The following KPNA7 variants were observed in gnomAD, a reference collection of about 807,000 sequenced individuals.
The protein encoded by KPNA7 is karyopherin subunit alpha 7, also known as importin subunit alpha-8.
A neutral mutation model predicts 53.7 loss-of-function variants in KPNA7; 54 were observed. The ratio of observed to expected loss-of-function variants is 1.01; its 90% confidence interval spans 0.81 to 1.26. The LOEUF is 1.26. Among genes scored for constraint, KPNA7 ranks in the 50% most tolerant of loss-of-function variants. The probability of loss-of-function intolerance (pLI) is 0.00; values close to 1 mark genes in which losing one functional copy is unlikely to be tolerated. For missense variants in KPNA7, 640 were observed against 644.5 expected (o/e 0.99, Z 0.07); for synonymous variants, 276 against 259.3 (o/e 1.06, Z -0.62).
At chr7:99,176,086 C>T (rs1303155412) in intron 10 of KPNA7, among the ~76,000 whole-genome samples, 2 of 151,606 alleles carry the variant, frequency 1.3e-5, no homozygotes, top group Non-Finnish European at 2.9e-5. Flanking sequence ...ATCACGAGGT[C>T]AGGAGATCAA....
chr7:99,154,747 G>C, the KPNA7 span, among the ~76,000 whole-genome samples: 1 of 151,586 alleles, frequency 6.6e-6, no homozygotes, highest in Non-Finnish European at 1.5e-5. Flanking sequence ...AGCTGGTCTC[G>C]ATCTCCTGAC....
At chr7:99,181,744 C>T in intron 9 of KPNA7, 139 bp downstream of exon 9, 2 of 677,520 alleles carry the variant, frequency 3.0e-6, no homozygotes, top group East Asian at 6.1e-5. Context: ...GTTGGCCAGG[C>T]TGGCCTCAAA....
chr7:99,213,626 G>C (rs1791132671), intron 1 of KPNA7, among the ~76,000 whole-genome samples: 1 of 151,460 alleles, frequency 6.6e-6, no homozygotes, highest in South Asian at 2.1e-4. Context: ...TAAATTTTTT[G>C]TAGAGATGGG....
chr7:99,180,513 CTCTG>C (rs1173933149), intron 9 of KPNA7, among the ~76,000 whole-genome samples: 3 of 145,032 alleles, frequency 2.1e-5, no homozygotes, highest in African/African-American at 5.1e-5. Flanking sequence ...GTCTCTCTCT[CTCTG>C]TGTCTCTATC....
intron 8 of KPNA7, among the ~76,000 whole-genome samples, chr7:99,183,774 G>A (rs1789415147): frequency 6.6e-6 from 1 of 152,068 alleles, no homozygotes; most frequent in Non-Finnish European, 1.5e-5. Context: ...CTTTAAAGGT[G>A]GCAAAAAGAA....
intron 2 of KPNA7, among the ~76,000 whole-genome samples, chr7:99,207,074 G>A (rs576085750): frequency 2.0e-5 from 3 of 150,936 alleles, no homozygotes; most frequent in East Asian, 2.0e-4. Context: ...CTCTCTTGTC[G>A]CCCAGGCTGG....
upstream of KPNA7, among the ~76,000 whole-genome samples, chr7:99,208,575 TTTTG>T (rs1368115352): frequency 2.7e-5 from 4 of 148,556 alleles, no homozygotes; most frequent in Admixed American, 1.3e-4. Flanking sequence ...TTATTTTTGG[TTTTG>T]TTTGTTTTTG....
At chr7:99,198,530 C>T (rs920795833) in intron 3 of KPNA7, among the ~76,000 whole-genome samples, 2 of 151,750 alleles carry the variant, frequency 1.3e-5, no homozygotes, top group African/African-American at 4.8e-5. Flanking sequence ...GGGGGGAACC[C>T]ACATGATCAT....
chr7:99,211,574 G>T (rs531798015), upstream of KPNA7, among the ~76,000 whole-genome samples: 169 of 151,212 alleles, frequency 1.1e-3, 1 homozygote, highest in African/African-American at 3.9e-3. Context: ...GGGAGTTGGA[G>T]ATAGAACAAC....
chr7:99,209,426 A>G (rs1790983710), upstream of KPNA7, among the ~76,000 whole-genome samples: 10 of 152,132 alleles, frequency 6.6e-5, no homozygotes, highest in South Asian at 2.1e-3. Flanking sequence ...GCCTTATTCC[A>G]ATCTGTTCTT....
upstream of KPNA7, among the ~76,000 whole-genome samples, chr7:99,209,591 G>A (rs562912726): frequency 9.9e-5 from 14 of 141,586 alleles, no homozygotes; most frequent in South Asian, 3.1e-3. Context: ...GCTGAGACAG[G>A]AGAATCGCTT....
At chr7:99,155,229 T>A in the KPNA7 span, among the ~76,000 whole-genome samples, 2 of 152,134 alleles carry the variant, frequency 1.3e-5, no homozygotes, top group African/African-American at 4.8e-5. Context: ...TTTGAACCTG[T>A]GTTTCCTATC....
chr7:99,188,541 G>T lies in KPNA7; in HGVS notation c.659C>A (p.Thr220Lys). ...TCGGCACAGATTCGACAAGGTCCACGTGATGTTCCGCAGAAATGTGATCTG... is the reference window on the plus strand; with the variant it reads ...TCGGCACAGATTCGACAAGGTCCACTTGATGTTCCGCAGAAATGTGATCTG... ...TLPITFLRNI[T>K]WTLSNLCRNK... Residue 220 changes from threonine (T) to lysine (K), a missense_variant, in exon 7 of 11, where the codon ACG (threonine) becomes AAG (lysine). Transcript: ENST00000327442. The T allele has an allele frequency of 6.4e-7, 1 of 1,551,542 alleles. No homozygotes were observed.
upstream of KPNA7, among the ~76,000 whole-genome samples, chr7:99,211,429 G>T (rs1012695778): frequency 2.0e-5 from 3 of 152,080 alleles, no homozygotes; most frequent in African/African-American, 7.2e-5. Context: ...CTCAAAAAAA[G>T]TAATTTAGGG....
the KPNA7 span, among the ~76,000 whole-genome samples, chr7:99,158,865 ATCT>A: frequency 6.7e-6 from 1 of 150,278 alleles, no homozygotes; most frequent in Non-Finnish European, 1.5e-5. Context: ...CATAAACAGC[ATCT>A]TTTTTTTTTC....
In KPNA7 at chr7:99,195,342, T is replaced by C; in HGVS notation, c.285-4A>G. The C allele has an allele frequency of 6.5e-7, 1 of 1,550,280 alleles. No homozygotes were observed. ...CTTTTCCTGGGATAGCATTTTCCTATGCAATGAAAGAGAGGGCAGGGGAGG... is the reference window on the plus strand; with the variant it reads ...CTTTTCCTGGGATAGCATTTTCCTACGCAATGAAAGAGAGGGCAGGGGAGG... On this transcript the variant is annotated splice_polypyrimidine_tract_variant and splice_region_variant and intron_variant, in intron 4 of 10. Coordinates refer to ENST00000327442, the MANE Select transcript of KPNA7 (RefSeq NM_001145715.3).
chr7:99,175,520 T>A (rs117620741), intron 10 of KPNA7, among the ~76,000 whole-genome samples: 365 of 78,882 alleles, frequency 4.6e-3, no homozygotes, highest in South Asian at 0.011. Flanking sequence ...TTTATTTATT[T>A]ATTATTTATT....
intron 7 of KPNA7, among the ~76,000 whole-genome samples, chr7:99,187,799 TAAAAAAAA>T (rs55867906): frequency 0.027 from 1,771 of 64,946 alleles, 245 homozygotes; most frequent in East Asian, 0.072. Context: ...CCTTTTTTTT[TAAAAAAAA>T]AAAAAAAAAA....
chr7:99,181,863 A>AC lies in KPNA7; in HGVS notation c.1317+19dup. The AC allele has an allele frequency of 1.3e-6, 2 of 1,504,028 alleles. No homozygotes were observed. The allele number at this position is 1,504,028 out of a possible 1,614,324, so 93.2% of individuals were successfully genotyped here. A position where few individuals can be genotyped will look rare whatever the true frequency, so the allele number is the denominator to read the frequency against. On this transcript the variant is annotated intron_variant, in intron 9 of 10. Transcript: ENST00000327442. ...GTTGGAGACAGCTATTTACAAACCA[A>AC]CCTGTTCAGAACGGCTCACCTGGAG... is the stretch of plus-strand genomic sequence containing the variant.
Sources: gnomAD v4.1 joint callset for allele counts (sites outside exome capture counted in the v4.1 genomes callset) on GRCh38, gnomAD v4.1.1 for gene constraint, MANE v1.5 for transcripts, NCBI Gene and HGNC (gene_info 2026-07-23, HGNC 2026-07-21) for gene names.